DOCK3: variants seen among roughly 807,000 people sequenced by gnomAD.
DOCK3 encodes dedicator of cytokinesis 3.
In DOCK3, 60 loss-of-function variants were observed where a neutral mutation model predicts 265.6. That is an observed-to-expected ratio of 0.23 (90% CI 0.18 to 0.28). The LOEUF (loss-of-function observed/expected upper bound fraction) is 0.28, where lower values mean the gene tolerates loss of function less well. Among genes scored for constraint, DOCK3 ranks in the 10% least tolerant of loss-of-function variants. DOCK3 has a pLI of 1.00. For synonymous variants in DOCK3, 881 were observed against 938.0 expected (o/e 0.94, Z 1.11); for missense variants, 1,981 against 2,594.3 (o/e 0.76, Z 5.14).
At chr3:51,110,870 AG>A (rs1180557968) in intron 9 of DOCK3, among the ~76,000 whole-genome samples, 1 of 152,196 alleles carries the variant, frequency 6.6e-6, no homozygotes, top group Non-Finnish European at 1.5e-5. Context: ...GCCTCTACGT[AG>A]GAAGAGAAGA....
intron 1 of DOCK3, among the ~76,000 whole-genome samples, chr3:50,729,546 T>C (rs1482024256): frequency 6.6e-6 from 1 of 152,052 alleles, no homozygotes; most frequent in Non-Finnish European, 1.5e-5. Context: ...CTATTTTATT[T>C]ATTTTTTAAG....
chr3:51,075,006 G>A (rs2109370580), intron 6 of DOCK3, among the ~76,000 whole-genome samples: 1 of 152,194 alleles, frequency 6.6e-6, no homozygotes, highest in South Asian at 2.1e-4. Context: ...TAAACCTTGA[G>A]CATAGCTGTC....
At chr3:51,077,500 TAAG>T (rs2082093262) in intron 7 of DOCK3, among the ~76,000 whole-genome samples, 1 of 152,138 alleles carries the variant, frequency 6.6e-6, no homozygotes, top group South Asian at 2.1e-4. Flanking sequence ...GTGAAACTAG[TAAG>T]AAGTTGTTGG....
intron 5 of DOCK3, among the ~76,000 whole-genome samples, chr3:51,036,707 C>T (rs916546149): frequency 4.6e-5 from 7 of 151,570 alleles, no homozygotes; most frequent in South Asian, 4.2e-4. Flanking sequence ...CAAAACATGT[C>T]GATATGGTTT....
chr3:51,155,881 G>A (rs1005070970), intron 10 of DOCK3, among the ~76,000 whole-genome samples: 3 of 152,018 alleles, frequency 2.0e-5, no homozygotes, highest in African/African-American at 7.3e-5. Context: ...ACACACTGCC[G>A]GCAAGGTGTC....
intron 5 of DOCK3, among the ~76,000 whole-genome samples, chr3:50,950,957 A>T (rs1362589363): frequency 2.0e-5 from 3 of 149,234 alleles, no homozygotes; most frequent in Non-Finnish European, 4.5e-5. Flanking sequence ...GAACGGAGGG[A>T]ATCTCTCTCT....
At chr3:50,728,835 G>A (rs1308082247) in intron 1 of DOCK3, among the ~76,000 whole-genome samples, 1 of 151,042 alleles carries the variant, frequency 6.6e-6, no homozygotes, top group African/African-American at 2.4e-5. Flanking sequence ...CAATTCTCCT[G>A]CCTCAGCCTT....
chr3:51,075,331 T>G, intron 6 of DOCK3, 25 bp from the exon 7 acceptor site: 1 of 1,589,644 alleles, frequency 6.3e-7, no homozygotes, highest in Non-Finnish European at 8.6e-7. Flanking sequence ...CATGGCATAC[T>G]GAGTGTGGTC....
intron 6 of DOCK3, among the ~76,000 whole-genome samples, chr3:51,071,170 G>A (rs1368554744): frequency 6.6e-6 from 1 of 152,136 alleles, no homozygotes; most frequent in Admixed American, 6.5e-5. Context: ...GAGATTCAGG[G>A]TCTCAGAGAG....
chr3:50,899,807 C>G (rs2049083868), intron 4 of DOCK3, among the ~76,000 whole-genome samples: 2 of 152,164 alleles, frequency 1.3e-5, no homozygotes, highest in South Asian at 2.1e-4. Context: ...TATTGCTCCT[C>G]TACCCCCCAC....
intron 27 of DOCK3, among the ~76,000 whole-genome samples, chr3:51,296,270 A>G (rs1403608320): frequency 6.6e-6 from 1 of 152,222 alleles, no homozygotes; most frequent in Non-Finnish European, 1.5e-5. Context: ...GCATTTTTGC[A>G]GAGATTGACA....
At chr3:51,248,687 C>T (rs2078965374) in intron 22 of DOCK3, among the ~76,000 whole-genome samples, 2 of 151,772 alleles carry the variant, frequency 1.3e-5, no homozygotes, top group African/African-American at 4.8e-5. Flanking sequence ...CTCTGCCTGG[C>T]TGCCCAGTCT....
intron 2 of DOCK3, among the ~76,000 whole-genome samples, chr3:50,838,932 G>T (rs1410923359): frequency 1.3e-5 from 2 of 152,218 alleles, no homozygotes; most frequent in African/African-American, 4.8e-5. Flanking sequence ...GATGGCTGAA[G>T]TTCACTGAGC....
intron 1 of DOCK3, among the ~76,000 whole-genome samples, chr3:50,693,302 G>A (rs1285541561): frequency 1.3e-5 from 2 of 152,124 alleles, no homozygotes; most frequent in Non-Finnish European, 2.9e-5. Context: ...AATTGAATCT[G>A]TAGATTGCTT....
At chr3:51,104,953 A>G (rs536481654) in intron 9 of DOCK3, among the ~76,000 whole-genome samples, 2 of 152,248 alleles carry the variant, frequency 1.3e-5, no homozygotes, top group Admixed American at 1.3e-4. Context: ...GCACCTAGCT[A>G]ATGAGAATTT....
intron 5 of DOCK3, among the ~76,000 whole-genome samples, chr3:50,997,136 C>G (rs1391990767): frequency 2.0e-5 from 3 of 152,296 alleles, no homozygotes; most frequent in Admixed American, 6.5e-5. Flanking sequence ...AAAATGAGCA[C>G]TGTTCTCTTT....
intron 13 of DOCK3, 42 bp from the exon 14 acceptor site, chr3:51,214,080 G>A (rs1314677631): frequency 9.9e-6 from 16 of 1,611,482 alleles, no homozygotes; most frequent in Non-Finnish European, 1.3e-5. Context: ...CTATATAACA[G>A]GGTAGAACTG....
intron 9 of DOCK3, among the ~76,000 whole-genome samples, chr3:51,091,042 C>T (rs983692059): frequency 6.6e-6 from 1 of 152,124 alleles, no homozygotes; most frequent in Non-Finnish European, 1.5e-5. Context: ...CTGATCTTGA[C>T]AAAAATATTA....
intron 5 of DOCK3, among the ~76,000 whole-genome samples, chr3:50,969,887 G>A (rs540053771): frequency 3.2e-4 from 49 of 152,166 alleles, no homozygotes; most frequent in African/African-American, 9.9e-4. Flanking sequence ...TGGCTAACAC[G>A]GTGAAACACC....
Sources: allele counts gnomAD v4.1 joint callset (sites outside exome capture counted in the v4.1 genomes callset), GRCh38; gene constraint gnomAD v4.1.1; transcripts MANE v1.5; gene names NCBI Gene and HGNC (gene_info 2026-07-23, HGNC 2026-07-21).